PODXL2: variants seen among roughly 807,000 people sequenced by gnomAD.
PODXL2 encodes podocalyxin-like protein 2.
In PODXL2, 17 loss-of-function variants were observed where a neutral mutation model predicts 53.4. The ratio of observed to expected loss-of-function variants is 0.32; its 90% CI spans 0.22 to 0.48. The LOEUF is 0.48. Among genes scored for constraint, PODXL2 ranks in the 20% least tolerant of loss-of-function variants. The pLI is 0.99. For missense variants in PODXL2, 673 were observed against 760.0 expected (o/e 0.89, Z 1.35); for synonymous variants, 311 against 306.7 (o/e 1.01, Z -0.15).
intron 1 of PODXL2, among the ~76,000 whole-genome samples, chr3:127,636,702 T>A (rs2074580441): frequency 6.6e-6 from 1 of 152,222 alleles, no homozygotes. Context: ...TGTGATAGCT[T>A]CCTGGTTTGG....
chr3:127,665,078 A>G (rs2074788496), intron 4 of PODXL2, among the ~76,000 whole-genome samples: 1 of 152,208 alleles, frequency 6.6e-6, no homozygotes, highest in African/African-American at 2.4e-5. Flanking sequence ...GCACTGCTAC[A>G]AAACTATTAT....
chr3:127,655,616 C>G (rs2074719527), intron 2 of PODXL2, among the ~76,000 whole-genome samples: 1 of 152,246 alleles, frequency 6.6e-6, no homozygotes, highest in East Asian at 1.9e-4. Context: ...TGTCCAAGAT[C>G]ATACAGCTGA....
intron 2 of PODXL2, among the ~76,000 whole-genome samples, chr3:127,650,984 G>A (rs2074685260): frequency 6.6e-6 from 1 of 152,196 alleles, no homozygotes; most frequent in Non-Finnish European, 1.5e-5. Flanking sequence ...CTGTGGTGAG[G>A]CTGGGTGCGA....
In PODXL2 at chr3:127,672,544, G is replaced by A. The variant is rs1039984440; in HGVS notation, c.*64G>A. ...AAGCGAGGTGGACCCCGAAACGGACGGCCCGGAGCCCGCACCAGCCCCGCG... is the reference window on the plus strand; with the variant it reads ...AAGCGAGGTGGACCCCGAAACGGACAGCCCGGAGCCCGCACCAGCCCCGCG... On this transcript the variant is annotated 3_prime_UTR_variant, in exon 8 of 8. Coordinates refer to ENST00000342480, the MANE Select transcript of PODXL2 (RefSeq NM_015720.4). 6 of 1,111,870 alleles carry A rather than the reference G, an allele frequency of 5.4e-6. No homozygotes were observed. Among genetic ancestry groups the A allele is most frequent in the East Asian group, 6.1e-5 (2 of 32,970 alleles). The allele number at this position is 1,111,870 out of a possible 1,614,324, so 68.9% of individuals were successfully genotyped here.
In PODXL2 at chr3:127,629,911, G is replaced by A. The variant is rs1289389093; in HGVS notation, c.70+622G>A. 6.6e-6 allele frequency among the ~76,000 whole-genome samples: 1 copy of A among 152,162 alleles called. No individual in the cohort carries two copies. Among genetic ancestry groups the A allele is most frequent in the Non-Finnish European group, 1.5e-5 (1 of 68,022 alleles). ...CCACGGAAGGCCCGTGACAGCACAC[G>A]GCGGGAGGCTCCCACGCAGCTCACA... is the stretch of plus-strand genomic sequence containing the variant. On this transcript the variant is annotated intron_variant, in intron 1 of 7. Transcript: ENST00000342480. This position sits in a 1 kb window ranked among gnomAD's most constrained non-coding sequence, Gnocchi z 6.4.
chr3:127,648,383 A>G (rs1014299562), intron 2 of PODXL2, among the ~76,000 whole-genome samples: 3 of 152,200 alleles, frequency 2.0e-5, no homozygotes, highest in African/African-American at 7.2e-5. Flanking sequence ...TTGCCCACAC[A>G]TCAGGTGTAT....
At position 127,660,730 on chromosome 3, in the gene PODXL2, G is replaced by T; in HGVS notation, c.702G>T (p.Glu234Asp). 6.2e-7 allele frequency: 1 copy of T among 1,614,200 alleles called. No individual in the cohort carries two copies. The highest frequency in any genetic ancestry group is 8.5e-7 in the Non-Finnish European group (1 of 1,180,042). Residue 234 changes from glutamate to aspartate, a missense_variant, in exon 3 of 8, where the codon GAG becomes GAT. Transcript: ENST00000342480. ...GGGACCAGGCCTCATCAGGTGTGGA[G>T]GTGGAGAGCAGCATGGGGCCCAGCT... ...DSGDQASSGVEVESSMGPSLL... is the reference protein window; with the variant it reads ...DSGDQASSGVDVESSMGPSLL...
chr3:127,647,661 C>G, intron 2 of PODXL2, among the ~76,000 whole-genome samples: 1 of 152,224 alleles, frequency 6.6e-6, no homozygotes, highest in Non-Finnish European at 1.5e-5. Flanking sequence ...CAGTCATGCT[C>G]GGCTTTCCCT....
chr3:127,662,302 C>G lies in PODXL2; in HGVS notation c.1197C>G (p.Asn399Lys). The G allele has an allele frequency of 6.2e-7, 1 of 1,613,590 alleles. No individual in the cohort carries two copies. ...KNYIILNMTE[N>K]IDCEVFRQHR... ...ACATCATTCTGAACATGACAGAGAA[C>G]ATAGACTGTGTGAGTGCCCAGCCAG... Residue 399 changes from asparagine to lysine, a missense_variant, in exon 4 of 8, where the codon AAC becomes AAG. Transcript: ENST00000342480.
At chr3:127,668,402 T>A in intron 4 of PODXL2, 39 bp from the exon 5 acceptor site, 2 of 1,472,712 alleles carry the variant, frequency 1.4e-6, no homozygotes, top group Non-Finnish European at 1.8e-6. Flanking sequence ...AGAGCCCCTT[T>A]CCTTCACTGA....
chr3:127,660,789 C>T lies in PODXL2; in HGVS notation c.761C>T (p.Thr254Ile), dbSNP rs550363841. The T allele has an allele frequency of 3.1e-6, 5 of 1,614,150 alleles. No homozygotes were observed. In the African/African-American group the frequency reaches 4.0e-5, roughly 13 times the overall value. Residue 254 changes from threonine to isoleucine, a missense_variant, in exon 3 of 8, where the codon ACT becomes ATT. By Grantham distance (89) the Thr-to-Ile change is moderately conservative. Around this residue, in one of 3 missense-constraint regions of PODXL2, gnomAD observed 588 missense variants for 668.3 expected, o/e 0.88. Transcript: ENST00000342480. ...CCTTCAGTCACCCCAACTACAGTGA[C>T]TCCGGGGGACCAGGACTCCACCAGC... ...LLPSVTPTTV[T>I]PGDQDSTSQE...
At position 127,629,443 on chromosome 3, in the gene PODXL2, G is replaced by T. The variant is rs1457586496; in HGVS notation, c.70+154G>T. ...GCCGCGGCGCCGCCCCGACACACGC[G>T]CACGAGGAGTGGGTGCGTGGGGGCC... On this transcript the variant is annotated intron_variant, in intron 1 of 7. Transcript: ENST00000342480. The surrounding 1 kb of genome is among the most constrained non-coding windows in gnomAD (Gnocchi z 6.4). Among the ~76,000 whole-genome samples, 2 of 148,944 alleles carry T rather than the reference G, an allele frequency of 1.3e-5. No individual in the cohort carries two copies. Among genetic ancestry groups the T allele is most frequent in the African/African-American group, 4.9e-5 (2 of 41,064 alleles).
chr3:127,655,152 A>G (rs1298260879), intron 2 of PODXL2, among the ~76,000 whole-genome samples: 3 of 151,982 alleles, frequency 2.0e-5, no homozygotes, highest in East Asian at 1.9e-4. Context: ...CATGTTGGCC[A>G]GGCTGGTCTT....
chr3:127,641,192 C>G (rs113252064), intron 2 of PODXL2, among the ~76,000 whole-genome samples: 5,634 of 151,328 alleles, frequency 0.037, 354 homozygotes, highest in African/African-American at 0.12. Context: ...GATTACAGGT[C>G]TGAGCCACCG....
chr3:127,633,997 C>A (rs2107702704), intron 1 of PODXL2, among the ~76,000 whole-genome samples: 1 of 151,998 alleles, frequency 6.6e-6, no homozygotes, highest in East Asian at 1.9e-4. Context: ...GTCAGTTTGT[C>A]TGAAGCGTAG....
At chr3:127,666,803 T>G (rs2074797051) in intron 4 of PODXL2, among the ~76,000 whole-genome samples, 1 of 152,168 alleles carries the variant, frequency 6.6e-6, no homozygotes, top group Non-Finnish European at 1.5e-5. Flanking sequence ...AAATCTGCAG[T>G]CATCAGATCC....
chr3:127,633,461 G>C (rs977957610), intron 1 of PODXL2, among the ~76,000 whole-genome samples: 1 of 126,924 alleles, frequency 7.9e-6, no homozygotes, highest in Non-Finnish European at 1.7e-5. Context: ...AAGAGGGTTG[G>C]ATTACAAATT....
At chr3:127,631,888 C>T (rs181510801) in intron 1 of PODXL2, among the ~76,000 whole-genome samples, 1 of 152,182 alleles carries the variant, frequency 6.6e-6, no homozygotes, top group Non-Finnish European at 1.5e-5. Context: ...GAATGAAAAA[C>T]CGGGAAAATA....
chr3:127,668,345 G>A lies in PODXL2; in HGVS notation c.1207-96G>A, dbSNP rs1001773648. On this transcript the variant is annotated intron_variant, in intron 4 of 7. Transcript: ENST00000342480. The stretch of plus-strand genomic sequence containing the variant: ...AGCTGCCTCTCTTGGAACAGCCAGA[G>A]GGTTGAGGGTGAGTACGGGGCTGGG... 24 of 1,135,534 alleles carry A rather than the reference G, an allele frequency of 2.1e-5. No individual in the cohort carries two copies. The Admixed American group carries it at 3.1e-4, about 15-fold the overall frequency. 70.3% of individuals were successfully genotyped at this position (1,135,534 alleles called of 1,614,324 possible).
Sources: gnomAD v4.1 joint callset for allele counts (sites outside exome capture counted in the v4.1 genomes callset) on GRCh38, gnomAD v4.1.1 for gene constraint, gnomAD v4.1.1 regional missense constraint, Gnocchi (gnomAD v3.1) non-coding constraint, MANE v1.5 for transcripts, NCBI Gene and HGNC (gene_info 2026-07-23, HGNC 2026-07-21) for gene names.